The following TEX15 variants were observed in gnomAD, a reference collection of about 807,000 sequenced individuals.
TEX15 encodes testis-expressed protein 15.
TEX15 carries 171 observed loss-of-function variants against 237.3 expected under a neutral mutation model. The ratio of observed to expected loss-of-function variants is 0.72; its 90% CI spans 0.64 to 0.82. The LOEUF (loss-of-function observed/expected upper bound fraction) is 0.82. Ranked by LOEUF, TEX15 falls within the 40% of genes least tolerant of loss-of-function variation. The pLI, the probability that TEX15 is intolerant of heterozygous loss-of-function variation, is 0.00. For missense variants in TEX15, 3,750 were observed against 3,646.5 expected, an observed-to-expected ratio of 1.03 and a Z score of -0.73; for synonymous variants, 1,338 against 1,269.8, an observed-to-expected ratio of 1.05 and a Z score of -1.14.
At chr8:30,879,199 G>A (rs868172915) in intron 3 of TEX15, among the ~76,000 whole-genome samples, 2 of 151,982 alleles carry the variant, frequency 1.3e-5, no homozygotes, top group South Asian at 2.1e-4. Flanking sequence ...TCAGATAAAC[G>A]ATCTGCAAAT....
intron 1 of TEX15, among the ~76,000 whole-genome samples, chr8:30,903,119 G>A (rs967742893): frequency 2.0e-5 from 3 of 152,158 alleles, no homozygotes; most frequent in Non-Finnish European, 4.4e-5. Context: ...AGATTTCCAT[G>A]ATTTTGTGAT....
intron 7 of TEX15, 91 bp from the exon 8 acceptor site, chr8:30,849,407 G>C (rs1334289164): frequency 1.4e-6 from 1 of 728,256 alleles, no homozygotes; most frequent in Non-Finnish European, 2.1e-6. Flanking sequence ...AATTTTAATT[G>C]AAAGTTCAGC....
Position 30,874,991 on chromosome 8 carries a change from C to T in TEX15, c.248G>A (p.Gly83Glu). The T allele has an allele frequency of 7.2e-7, 1 of 1,383,926 alleles. No individual in the cohort carries two copies. The highest frequency in any genetic ancestry group is 9.4e-7 in the Non-Finnish European group (1 of 1,068,438). The allele number at this position is 1,383,926 out of a possible 1,614,324, so 85.7% of individuals were successfully genotyped here. A position where few individuals can be genotyped will look rare whatever the true frequency, so the allele number is the denominator to read the frequency against. Residue 83 changes from glycine (G) to glutamate (E), a missense_variant, in exon 4 of 11, where the codon GGG becomes GAG. Coordinates refer to ENST00000643185, the MANE Select transcript of TEX15 (RefSeq NM_001350162.2). ...NCDLQSLWQF[G>E]DTKLVHNEEL... ...CTCATTGTGAACCAGTTTTGTATCCCCAAACTGCCATAACGACTGCAGATC... is the reference window on the plus strand; with the variant it reads ...CTCATTGTGAACCAGTTTTGTATCCTCAAACTGCCATAACGACTGCAGATC...
Position 30,846,498 on chromosome 8 carries a change from A to G in TEX15, c.3669T>C (p.Asp1223=), listed in dbSNP as rs1807613915. The G allele has an allele frequency of 1.2e-6, 2 of 1,613,574 alleles. No homozygotes were observed. The highest frequency in any genetic ancestry group is 1.1e-5 in the South Asian group (1 of 91,062). ...CTGGCCCTGATTCTTGCCTTATATTATCAACTTTATCTTCACATGGATAAT... is the reference window on the plus strand; with the variant it reads ...CTGGCCCTGATTCTTGCCTTATATTGTCAACTTTATCTTCACATGGATAAT... ...NADYPCEDKV[D]NIRQESGPVS... The change falls in exon 8 of 11, where the codon GAT becomes GAC. Residue 1223 remains aspartate (D), a synonymous_variant. Transcript: ENST00000643185.
intron 7 of TEX15, among the ~76,000 whole-genome samples, chr8:30,858,343 C>CT (rs1385716563): frequency 6.7e-6 from 1 of 150,366 alleles, no homozygotes; most frequent in African/African-American, 2.5e-5. Flanking sequence ...GACAAGGTCT[C>CT]CCTCTGTCAC....
intron 4 of TEX15, among the ~76,000 whole-genome samples, chr8:30,873,942 A>G (rs2128773053): frequency 6.6e-6 from 1 of 152,304 alleles, no homozygotes; most frequent in African/African-American, 2.4e-5. Flanking sequence ...TTTCTATAAC[A>G]CTAACAGGGA....
At position 30,849,138 on chromosome 8, in the gene TEX15, A is replaced by T; in HGVS notation, c.1029T>A (p.Tyr343Ter). ...NPFISNISNS[Y>*]GNVQNGNISI... is the part of the protein sequence containing the mutation. ...AAATGTTTCCATTTTGTACATTTCC[A>T]TAGGAGTTAGAAATATTTGAGATGA... Residue 343 changes from tyrosine to a stop codon, truncating the protein, a stop_gained, in exon 8 of 11, where the codon TAT becomes TAA. Transcript: ENST00000643185. LOFTEE classifies it high-confidence loss of function. 1 of 1,580,884 alleles carries T rather than the reference A, an allele frequency of 6.3e-7. No homozygotes were observed. The highest frequency in any genetic ancestry group is 1.1e-5 in the South Asian group (1 of 88,448).
chr8:30,909,103 G>GA (rs1387762080), intron 1 of TEX15, among the ~76,000 whole-genome samples: 2 of 152,112 alleles, frequency 1.3e-5, no homozygotes, highest in African/African-American at 4.8e-5. Context: ...TATTAACAGT[G>GA]ATTGTGTGTA....
At chr8:30,888,738 A>G (rs1808719945) in intron 2 of TEX15, 1 of 1,017,608 alleles carries the variant, frequency 9.8e-7, no homozygotes, top group African/African-American at 1.6e-5. Context: ...CTACAGAAAG[A>G]TCACAAAGGA....
chr8:30,898,924 T>C (rs1808957473), intron 1 of TEX15, 107 bp from the exon 2 acceptor site: 1 of 152,234 alleles, frequency 6.6e-6, no homozygotes, highest in African/African-American at 2.4e-5. Flanking sequence ...TTTTTCCTCC[T>C]GGTTTCTGTC....
At chr8:30,851,152 A>C (rs1763485021) in intron 7 of TEX15, among the ~76,000 whole-genome samples, 1 of 151,542 alleles carries the variant, frequency 6.6e-6, no homozygotes, top group South Asian at 2.1e-4. Context: ...AAATACCCAA[A>C]GTTCTATGGA....
intron 4 of TEX15, among the ~76,000 whole-genome samples, chr8:30,870,341 T>G (rs1808266607): frequency 6.6e-6 from 1 of 152,162 alleles, no homozygotes; most frequent in South Asian, 2.1e-4. Flanking sequence ...TATAAGTGCT[T>G]TGGATGGAAT....
At chr8:30,862,756 CTTTT>C (rs201130915) in intron 5 of TEX15, among the ~76,000 whole-genome samples, 2 of 151,450 alleles carry the variant, frequency 1.3e-5, no homozygotes, top group African/African-American at 4.9e-5. Flanking sequence ...CAGAGTAAAT[CTTTT>C]TTTTTCTTTT....
intron 10 of TEX15, 56 bp downstream of exon 10, chr8:30,836,747 T>C: frequency 7.1e-7 from 1 of 1,414,406 alleles, no homozygotes; most frequent in Admixed American, 2.2e-5. Flanking sequence ...CTTACATAAA[T>C]GGACACAGTT....
chr8:30,856,415 G>A (rs1332930941), intron 7 of TEX15, among the ~76,000 whole-genome samples: 3 of 152,024 alleles, frequency 2.0e-5, no homozygotes, highest in Non-Finnish European at 4.4e-5. Flanking sequence ...AATTAGCCAG[G>A]TGTGGTGGTG....
intron 4 of TEX15, 29 bp from the exon 5 acceptor site, chr8:30,867,531 T>TA: frequency 7.5e-7 from 1 of 1,331,858 alleles, no homozygotes; most frequent in Non-Finnish European, 1.0e-6. Flanking sequence ...TGTATACAGT[T>TA]AAAGATAAAT....
chr8:30,901,113 G>T (rs530402168), intron 1 of TEX15, among the ~76,000 whole-genome samples: 1 of 152,296 alleles, frequency 6.6e-6, no homozygotes, highest in East Asian at 1.9e-4. Context: ...ACTCCAGCCT[G>T]GTTGACAGAA....
intron 7 of TEX15, among the ~76,000 whole-genome samples, chr8:30,856,325 A>C (rs1807911751): frequency 6.7e-6 from 1 of 148,972 alleles, no homozygotes; most frequent in Non-Finnish European, 1.5e-5. Context: ...AGGCTGAGGC[A>C]GGTGGATCAC....
Position 30,837,473 on chromosome 8 carries a change from T to C in TEX15, c.8811A>G (p.Pro2937=), listed in dbSNP as rs761706548. 1 of 1,614,072 alleles carries C rather than the reference T, an allele frequency of 6.2e-7. No individual in the cohort carries two copies. The highest frequency in any genetic ancestry group is 8.5e-7 in the Non-Finnish European group (1 of 1,179,944). Residue 2937 remains proline (P), a synonymous_variant, in exon 10 of 11, where the codon CCA becomes CCG. Transcript: ENST00000643185. The part of the protein sequence containing the change: ...SIKNSSCMTS[P]EPICIQNKIP... ...TTTTGTTCTGGATACAGATGGGTTC[T>C]GGAGAAGTCATGCATGAGGAATTTT...
Sources: gnomAD v4.1 joint callset for allele counts (sites outside exome capture counted in the v4.1 genomes callset) on GRCh38, gnomAD v4.1.1 for gene constraint, MANE v1.5 for transcripts, NCBI Gene and HGNC (gene_info 2026-07-23, HGNC 2026-07-21) for gene names.